DCLK1: variants seen among roughly 807,000 people sequenced by gnomAD.
DCLK1 encodes serine/threonine-protein kinase DCLK1.
A neutral mutation model predicts 86.2 loss-of-function variants in DCLK1; 16 were observed. The ratio of observed to expected loss-of-function variants is 0.19; its 90% CI spans 0.13 to 0.28. The LOEUF is 0.28. DCLK1 is among the 10% of genes least tolerant of loss of function. The pLI is 1.00. For missense variants in DCLK1, 590 were observed against 940.2 expected, an observed-to-expected ratio of 0.63 and a Z score of 4.87; for synonymous variants, 369 against 370.5, an observed-to-expected ratio of 1.00 and a Z score of 0.05.
At chr13:36,019,886 G>C (rs1186369135) in intron 3 of DCLK1, among the ~76,000 whole-genome samples, 2 of 152,196 alleles carry the variant, frequency 1.3e-5, no homozygotes, top group African/African-American at 4.8e-5. Flanking sequence ...GCCTTGCAAA[G>C]TCTCAGGTTG....
intron 14 of DCLK1, 29 bp from the exon 15 acceptor site, chr13:35,805,808 A>T: frequency 1.2e-6 from 2 of 1,600,304 alleles, no homozygotes; most frequent in Non-Finnish European, 1.7e-6. Context: ...GAGTCCATTT[A>T]TCTGAATTTA....
chr13:35,914,060 G>T (rs1440465970), intron 4 of DCLK1, among the ~76,000 whole-genome samples: 2 of 152,074 alleles, frequency 1.3e-5, no homozygotes, highest in African/African-American at 4.8e-5. Context: ...GCTCATGCCT[G>T]TAGTCCCAGC....
At chr13:35,917,837 T>C (rs61949301) in intron 4 of DCLK1, among the ~76,000 whole-genome samples, 12,375 of 151,794 alleles carry the variant, frequency 0.082, 661 homozygotes, top group South Asian at 0.23. Context: ...AGGCCTCCAG[T>C]GGAGAGGCGT....
At position 35,774,262 on chromosome 13, in the gene DCLK1, ACATT is replaced by A; in HGVS notation, c.*269_*272del. 2.7e-6 allele frequency: 1 copy of A among 375,044 alleles called. No individual in the cohort carries two copies. The highest frequency in any genetic ancestry group is 4.1e-5 in the South Asian group (1 of 24,526). 23.2% of individuals were successfully genotyped at this position (375,044 alleles called of 1,614,324 possible). ...GCAGATCCTAGCTTGACTGATGAAA[ACATT>A]CATTGCTTCTAAGTTTAAAAAAAAA... On this transcript the variant is annotated 3_prime_UTR_variant, in exon 17 of 17. Transcript: ENST00000360631.
chr13:35,839,962 G>A (rs1370895898), intron 6 of DCLK1, among the ~76,000 whole-genome samples: 1 of 152,168 alleles, frequency 6.6e-6, no homozygotes, highest in Non-Finnish European at 1.5e-5. Flanking sequence ...AAAACAATTT[G>A]CACATTTCAA....
In DCLK1 at chr13:35,815,441, G is replaced by A. The variant is rs1303419838; in HGVS notation, c.1555-4473C>T. Reference sequence around the variant, plus strand: ...CAAACGTAATTCTCAGTGTTTCTACGAATCCAAGGGTAACCCTGATGAAAC... The same window carrying A: ...CAAACGTAATTCTCAGTGTTTCTACAAATCCAAGGGTAACCCTGATGAAAC... On this transcript the variant is annotated intron_variant, in intron 11 of 16. Transcript: ENST00000360631. Among the ~76,000 whole-genome samples, 5 of 152,196 alleles carry A rather than the reference G, an allele frequency of 3.3e-5. No homozygotes were observed. In the East Asian group the frequency reaches 9.7e-4, roughly 29 times the overall value.
chr13:35,997,301 A>G (rs932517508), intron 3 of DCLK1, among the ~76,000 whole-genome samples: 13 of 152,236 alleles, frequency 8.5e-5, no homozygotes, highest in Non-Finnish European at 2.9e-5. Context: ...GATAGGCCCC[A>G]ATCCAACTAA....
At chr13:35,901,573 A>G (rs1874370313) in intron 4 of DCLK1, among the ~76,000 whole-genome samples, 1 of 149,658 alleles carries the variant, frequency 6.7e-6, no homozygotes, top group African/African-American at 2.5e-5. Flanking sequence ...AATAGGGTAG[A>G]ACTTTAGAAG....
chr13:35,793,056 CCA>C (rs746195851), intron 16 of DCLK1, among the ~76,000 whole-genome samples: 152 of 152,230 alleles, frequency 1.0e-3, no homozygotes, highest in Non-Finnish European at 1.8e-3. Flanking sequence ...TTTCTTAGAG[CCA>C]AGAAGTTTGC....
intron 7 of DCLK1, among the ~76,000 whole-genome samples, chr13:35,838,024 T>A (rs183859568): frequency 6.9e-6 from 1 of 143,974 alleles, no homozygotes; most frequent in East Asian, 2.1e-4. Flanking sequence ...TGAGATAGTG[T>A]CATTGCACTC....
At chr13:35,996,154 C>G (rs1442222892) in intron 3 of DCLK1, among the ~76,000 whole-genome samples, 1 of 152,122 alleles carries the variant, frequency 6.6e-6, no homozygotes, top group Admixed American at 6.5e-5. Flanking sequence ...GTTGCAAACT[C>G]CTGACCTCAG....
intron 10 of DCLK1, among the ~76,000 whole-genome samples, chr13:35,826,675 A>G (rs1401838546): frequency 6.6e-6 from 1 of 152,080 alleles, no homozygotes; most frequent in Non-Finnish European, 1.5e-5. Context: ...AATAACAAAA[A>G]CTTAAAGACC....
chr13:35,862,617 C>A (rs1396475226), intron 5 of DCLK1, among the ~76,000 whole-genome samples: 1 of 152,202 alleles, frequency 6.6e-6, no homozygotes, highest in Non-Finnish European at 1.5e-5. Context: ...TTCCACGACC[C>A]TGTGCAATTT....
At position 35,771,277 on chromosome 13, in the gene DCLK1, CTGT is replaced by C. The variant is rs746817172; in HGVS notation, c.*3255_*3257del. On this transcript the variant is annotated 3_prime_UTR_variant, in exon 17 of 17. Transcript: ENST00000360631. ...TTTCTTTCAACAATATCTGATGGGC[CTGT>C]TAACTGCCACCCATGGGGAGCAGGT... 2 of 152,096 alleles carry C rather than the reference CTGT, an allele frequency of 1.3e-5. No individual in the cohort carries two copies. Among genetic ancestry groups the C allele is most frequent in the Non-Finnish European group, 2.9e-5 (2 of 68,022 alleles). 9.4% of individuals were successfully genotyped at this position (152,096 alleles called of 1,614,324 possible).
chr13:36,105,667 A>G (rs1885368805), intron 3 of DCLK1, among the ~76,000 whole-genome samples: 1 of 152,194 alleles, frequency 6.6e-6, no homozygotes, highest in Non-Finnish European at 1.5e-5. Flanking sequence ...TTTCCTCATT[A>G]TAAGTAAATT....
chr13:35,816,314 A>G (rs1451456961), intron 11 of DCLK1, among the ~76,000 whole-genome samples: 1 of 152,206 alleles, frequency 6.6e-6, no homozygotes, highest in Non-Finnish European at 1.5e-5. Context: ...ATTTTGGGAC[A>G]TGGACTTCCA....
At chr13:35,802,278 G>A (rs2086936106) in intron 15 of DCLK1, among the ~76,000 whole-genome samples, 1 of 151,302 alleles carries the variant, frequency 6.6e-6, no homozygotes, top group Non-Finnish European at 1.5e-5. Context: ...GCTGCAGTGA[G>A]CCATGATTGA....
At chr13:35,867,569 T>C (rs915314386) in intron 5 of DCLK1, among the ~76,000 whole-genome samples, 2 of 152,180 alleles carry the variant, frequency 1.3e-5, no homozygotes, top group Non-Finnish European at 2.9e-5. Context: ...CAATGTGTCC[T>C]ACCCATTTTA....
chr13:36,058,077 T>C (rs1883401816), intron 3 of DCLK1, among the ~76,000 whole-genome samples: 1 of 152,146 alleles, frequency 6.6e-6, no homozygotes, highest in Non-Finnish European at 1.5e-5. Flanking sequence ...TAATAGGACA[T>C]TCAGAGGAGA....
Sources: gnomAD v4.1 joint callset for allele counts (sites outside exome capture counted in the v4.1 genomes callset) on GRCh38, gnomAD v4.1.1 for gene constraint, MANE v1.5 for transcripts, NCBI Gene and HGNC (gene_info 2026-07-23, HGNC 2026-07-21) for gene names.